The following ELFN2 variants were observed in gnomAD, a reference collection of about 807,000 sequenced individuals.
The protein encoded by ELFN2 is protein phosphatase 1 regulatory subunit 29.
Under a neutral mutation model 45.5 loss-of-function variants are expected in ELFN2, and 17 were observed. The ratio of observed to expected loss-of-function variants is 0.37; its 90% CI spans 0.26 to 0.56. The LOEUF is 0.56. Among genes scored for constraint, ELFN2 ranks in the 20% least tolerant of loss-of-function variants. The probability of loss-of-function intolerance (pLI) is 0.77; values close to 1 mark genes in which losing one functional copy is unlikely to be tolerated. For synonymous variants in ELFN2, 550 were observed against 551.5 expected (o/e 1.00, Z 0.04); for missense variants, 922 against 1,183.2 (o/e 0.78, Z 3.24).
chr22:37,361,084 G>A (rs959880258), intron 1 of ELFN2, among the ~76,000 whole-genome samples: 8 of 152,102 alleles, frequency 5.3e-5, no homozygotes, highest in African/African-American at 9.7e-5. Flanking sequence ...GCCACATCCC[G>A]GCAGCTCCCC....
rs1260564950 is a variant in ELFN2, at chr22:37,369,882, T to G, written c.*3190A>C. On this transcript the variant is annotated 3_prime_UTR_variant, in exon 3 of 3. Coordinates refer to ENST00000402918, the MANE Select transcript of ELFN2 (RefSeq NM_052906.5). ...TTTCCTGGTGTCTGCCCTGCTGGCC[T>G]GCCCCAGACCACAGCCCAGCTCCAC... 2.0e-5 allele frequency: 3 copies of G among 152,526 alleles called. No individual in the cohort carries two copies. The highest frequency in any genetic ancestry group is 6.5e-5 in the Admixed American group (1 of 15,296). The allele number at this position is 152,526 out of a possible 1,614,324, so 9.4% of individuals were successfully genotyped here.
In ELFN2 at chr22:37,359,168, C is replaced by T. The variant is rs114745399; in HGVS notation, n.149-16465G>A. Among the ~76,000 whole-genome samples, 1,223 of 152,274 alleles carry T rather than the reference C, an allele frequency of 8.0e-3. 19 individuals are homozygous for T. Among genetic ancestry groups the T allele is most frequent in the African/African-American group, 0.028 (1,167 of 41,554 alleles). ...AGAGAGATGGAGACCTGGATTAAGGCCACCCGGCAGGGAATTGAAAATATA... is the reference window on the plus strand; with the variant it reads ...AGAGAGATGGAGACCTGGATTAAGGTCACCCGGCAGGGAATTGAAAATATA... On this transcript the variant is annotated intron_variant and non_coding_transcript_variant, in intron 1 of 2. Transcript: ENST00000452946.
chr22:37,361,651 A>C (rs554388641), intron 1 of ELFN2, among the ~76,000 whole-genome samples: 1 of 152,252 alleles, frequency 6.6e-6, no homozygotes, highest in East Asian at 1.9e-4. Context: ...CTCAGAGCCC[A>C]GGCCTATCCC....
Position 37,374,653 on chromosome 22 carries a change from C to T in ELFN2, c.882G>A (p.Ser294=), listed in dbSNP as rs768267847. 7.4e-6 allele frequency: 12 copies of T among 1,613,136 alleles called. No homozygotes were observed. The highest frequency in any genetic ancestry group is 2.2e-5 in the South Asian group (2 of 91,072). ...GGTGCAGCTTGATGGCTGGCCCTGC[C>T]GACGCATCCGTGGTGGACGAGGCCG... is the stretch of plus-strand genomic sequence containing the variant. ...EPPASSTTDA[S]AGPAIKLHHV... is the part of the protein sequence containing the mutation. Residue 294 remains serine, a synonymous_variant, in exon 3 of 3, where the codon TCG becomes TCA. Transcript: ENST00000402918.
At chr22:37,386,007 G>A (rs1931937120) in intron 2 of ELFN2, among the ~76,000 whole-genome samples, 2 of 152,106 alleles carry the variant, frequency 1.3e-5, no homozygotes, top group South Asian at 2.1e-4. Flanking sequence ...GGCTCCATGC[G>A]GCCCCACTGG....
chr22:37,355,961 ATG>A (rs1930939358), intron 1 of ELFN2, among the ~76,000 whole-genome samples: 1 of 152,188 alleles, frequency 6.6e-6, no homozygotes, highest in African/African-American at 2.4e-5. Context: ...TGAAGAAATA[ATG>A]TGTTTCATCA....
intron 2 of ELFN2, among the ~76,000 whole-genome samples, chr22:37,406,711 T>A (rs1293948620): frequency 6.6e-6 from 1 of 152,258 alleles, no homozygotes; most frequent in Non-Finnish European, 1.5e-5. Context: ...TAGGGCAGAC[T>A]TCCTGGGGGA....
chr22:37,375,211 C>T lies in ELFN2; in HGVS notation c.324G>A (p.Leu108=). The change falls in exon 3 of 3, where the codon CTG becomes CTA. Residue 108 remains leucine (L), a synonymous_variant. Coordinates refer to ENST00000402918, the MANE Select transcript of ELFN2 (RefSeq NM_052906.5). ...AFLGQSSLQV[L]QLGYNKLSNL... is the part of the protein sequence containing the mutation. ...TGCTGAGCTTGTTGTAGCCCAGCTG[C>T]AGGACCTGCAGGCTCGACTGGCCCA... 1 of 1,614,144 alleles carries T rather than the reference C, an allele frequency of 6.2e-7. No homozygotes were observed. Among genetic ancestry groups the T allele is most frequent in the Non-Finnish European group, 8.5e-7 (1 of 1,180,034 alleles).
chr22:37,342,307 G>A (rs979649749), intron 2 of ELFN2, among the ~76,000 whole-genome samples: 24 of 152,116 alleles, frequency 1.6e-4, no homozygotes, highest in African/African-American at 5.8e-4. Context: ...CTCCAGAATA[G>A]GCCCGTCTGC....
chr22:37,412,247 C>T (rs1175991684), intron 2 of ELFN2, among the ~76,000 whole-genome samples: 2 of 140,476 alleles, frequency 1.4e-5, no homozygotes, highest in African/African-American at 5.9e-5. Flanking sequence ...GCTTTCTCTC[C>T]AGCCTGGGCA....
chr22:37,386,742 G>A (rs999871910), intron 2 of ELFN2, among the ~76,000 whole-genome samples: 5 of 152,192 alleles, frequency 3.3e-5, no homozygotes, highest in South Asian at 4.1e-4. Flanking sequence ...CAGCCCAAAC[G>A]TGAGGCTATC....
At position 37,375,597 on chromosome 22, in the gene ELFN2, G is replaced by A. The variant is rs1931556832; in HGVS notation, c.-63C>T. ...GGGGTGCCTAGCGGCCAGAGGCTGG[G>A]GCTGGCAGTACAGTCCTCCCTGGGG... is the stretch of plus-strand genomic sequence containing the variant. On this transcript the variant is annotated 5_prime_UTR_variant, in exon 3 of 3. Transcript: ENST00000402918. 3.4e-6 allele frequency: 5 copies of A among 1,476,122 alleles called. No individual in the cohort carries two copies. The highest frequency in any genetic ancestry group is 1.4e-5 in the African/African-American group (1 of 70,944). The allele number at this position is 1,476,122 out of a possible 1,614,324, so 91.4% of individuals were successfully genotyped here.
At chr22:37,389,364 T>A (rs964529949) in intron 2 of ELFN2, among the ~76,000 whole-genome samples, 5 of 152,022 alleles carry the variant, frequency 3.3e-5, no homozygotes, top group African/African-American at 1.2e-4. Context: ...CGCAACCCTA[T>A]GGAATTGAGG....
intron 2 of ELFN2, among the ~76,000 whole-genome samples, chr22:37,404,246 A>C: frequency 6.6e-6 from 1 of 152,140 alleles, no homozygotes; most frequent in Non-Finnish European, 1.5e-5. Flanking sequence ...TTTGGAATGC[A>C]TCGGAGGGGC....
At chr22:37,419,581 G>A (rs1225010730) in intron 1 of ELFN2, among the ~76,000 whole-genome samples, 2 of 151,770 alleles carry the variant, frequency 1.3e-5, no homozygotes, top group African/African-American at 2.4e-5. Flanking sequence ...CACAAACCAG[G>A]GGCACCGTGG....
intron 2 of ELFN2, among the ~76,000 whole-genome samples, chr22:37,391,375 C>T (rs189617734): frequency 5.9e-5 from 9 of 152,280 alleles, no homozygotes; most frequent in Middle Eastern, 3.4e-3. Context: ...TACACGTCCA[C>T]GGCTGAAAAT....
downstream of ELFN2, among the ~76,000 whole-genome samples, chr22:37,363,604 C>G (rs561723473): frequency 6.6e-6 from 1 of 152,116 alleles, no homozygotes; most frequent in Admixed American, 6.5e-5. Context: ...TTGGCGCTGA[C>G]AGCAGGCTGG....
chr22:37,362,219 C>T (rs1244482816), intron 1 of ELFN2, among the ~76,000 whole-genome samples: 2 of 152,212 alleles, frequency 1.3e-5, no homozygotes, highest in African/African-American at 2.4e-5. Flanking sequence ...TCAGAGCAGA[C>T]CCTTCTCACA....
chr22:37,379,019 G>A (rs779432615), intron 2 of ELFN2, among the ~76,000 whole-genome samples: 40 of 152,214 alleles, frequency 2.6e-4, no homozygotes, highest in Non-Finnish European at 5.4e-4. Context: ...GGGGGACAGG[G>A]CAGCACCCCA....
Sources: gnomAD v4.1 joint callset for allele counts (sites outside exome capture counted in the v4.1 genomes callset) on GRCh38, gnomAD v4.1.1 for gene constraint, MANE v1.5 for transcripts, NCBI Gene and HGNC (gene_info 2026-07-23, HGNC 2026-07-21) for gene names.